The following CAPN8 variants were observed in gnomAD, a reference collection of about 807,000 sequenced individuals.
CAPN8 encodes calpain 8.
In CAPN8, 87 loss-of-function variants were observed where a neutral mutation model predicts 80.9. That is an observed-to-expected ratio of 1.07 (90% confidence interval 0.90 to 1.28). The LOEUF is 1.28. Among genes scored for constraint, CAPN8 ranks in the 50% most tolerant of loss-of-function variants. The pLI is 0.00. For missense variants in CAPN8, 757 were observed against 702.0 expected, an observed-to-expected ratio of 1.08 and a Z score of -0.89; for synonymous variants, 299 against 273.8, an observed-to-expected ratio of 1.09 and a Z score of -0.91.
intron 15 of CAPN8, among the ~76,000 whole-genome samples, chr1:223,550,348 G>C (rs1338706864): frequency 6.6e-6 from 1 of 152,166 alleles, no homozygotes; most frequent in African/African-American, 2.4e-5. Flanking sequence ...GCTGCAGTGA[G>C]TGAATGAGAG....
intron 4 of CAPN8, among the ~76,000 whole-genome samples, 194 bp from the exon 5 acceptor site, chr1:223,627,351 G>C (rs1657618785): frequency 6.6e-6 from 1 of 152,172 alleles, no homozygotes; most frequent in Non-Finnish European, 1.5e-5. Context: ...ACTAGGAACT[G>C]ACCTCAGCCA....
chr1:223,657,046 A>G (rs926007343), intron 1 of CAPN8, among the ~76,000 whole-genome samples: 1 of 152,204 alleles, frequency 6.6e-6, no homozygotes, highest in African/African-American at 2.4e-5. Context: ...AGAGCTTTGT[A>G]ACTTCATTAA....
chr1:223,558,382 C>A (rs1656952519), intron 12 of CAPN8, among the ~76,000 whole-genome samples: 1 of 152,168 alleles, frequency 6.6e-6, no homozygotes, highest in South Asian at 2.1e-4. Context: ...TCATCAGAGA[C>A]AAGAGCTTCC....
At chr1:223,609,980 C>T (rs980976359) in intron 11 of CAPN8, among the ~76,000 whole-genome samples, 1 of 152,224 alleles carries the variant, frequency 6.6e-6, no homozygotes, top group African/African-American at 2.4e-5. Flanking sequence ...CAACAGGCGA[C>T]GATGCTCTCC....
intron 2 of CAPN8, 152 bp from the exon 3 acceptor site, chr1:223,628,932 C>G: frequency 1.6e-6 from 1 of 613,350 alleles, no homozygotes; most frequent in Non-Finnish European, 2.8e-6. Context: ...GAAATGCACC[C>G]GCAGCCATCA....
At chr1:223,553,383 G>A (rs1656841599) in intron 14 of CAPN8, among the ~76,000 whole-genome samples, 3 of 152,182 alleles carry the variant, frequency 2.0e-5, no homozygotes, top group Non-Finnish European at 2.9e-5. Context: ...GCTGCAGGAC[G>A]GTGACAGGGA....
chr1:223,654,111 TA>T (rs1176234655), intron 2 of CAPN8, among the ~76,000 whole-genome samples: 1 of 152,124 alleles, frequency 6.6e-6, no homozygotes, highest in Non-Finnish European at 1.5e-5. Context: ...AATCTCTCAT[TA>T]GGGGGAGCCA....
At chr1:223,634,464 C>G (rs1045052146) in intron 2 of CAPN8, among the ~76,000 whole-genome samples, 8 of 152,186 alleles carry the variant, frequency 5.3e-5, no homozygotes, top group African/African-American at 1.9e-4. Context: ...TCCTTATACC[C>G]ACGTGCCATC....
intron 2 of CAPN8, among the ~76,000 whole-genome samples, chr1:223,630,950 T>C (rs1486938800): frequency 6.6e-6 from 1 of 152,172 alleles, no homozygotes; most frequent in Non-Finnish European, 1.5e-5. Flanking sequence ...TGAACACCTG[T>C]GATCATGTCA....
chr1:223,640,715 T>G (rs926683095), intron 2 of CAPN8, among the ~76,000 whole-genome samples: 2 of 152,076 alleles, frequency 1.3e-5, no homozygotes, highest in African/African-American at 2.4e-5. Context: ...ACCCTCTTTC[T>G]CCAAATAGTC....
chr1:223,649,318 A>G (rs946458282), intron 2 of CAPN8, among the ~76,000 whole-genome samples: 1 of 152,244 alleles, frequency 6.6e-6, no homozygotes, highest in African/African-American at 2.4e-5. Context: ...TGGAGCTTGC[A>G]TGGCAGGTAG....
intron 11 of CAPN8, among the ~76,000 whole-genome samples, chr1:223,609,568 T>C (rs1656982050): frequency 6.6e-6 from 1 of 152,206 alleles, no homozygotes; most frequent in African/African-American, 2.4e-5. Flanking sequence ...AGGCCCTGTT[T>C]GAGGCATTGA....
chr1:223,613,269 C>T (rs1657081041), intron 10 of CAPN8, among the ~76,000 whole-genome samples: 1 of 152,234 alleles, frequency 6.6e-6, no homozygotes, highest in Admixed American at 6.5e-5. Context: ...GGGTCATTGG[C>T]AGCAGAAGTA....
At chr1:223,542,459 A>G (rs915369575) in intron 20 of CAPN8, among the ~76,000 whole-genome samples, 105 of 152,250 alleles carry the variant, frequency 6.9e-4, no homozygotes, top group African/African-American at 2.5e-3. Flanking sequence ...ACTTTAGAGA[A>G]GAAAAGAAAG....
rs566982414 is a variant in CAPN8 at position 223,654,513 on chromosome 1, C to A, written c.238-114G>T. 3.0e-4 allele frequency: 266 copies of A among 882,310 alleles called. 1 individual carries two copies. The South Asian group carries it at 3.9e-3, about 13-fold the overall frequency. The allele number at this position is 882,310 out of a possible 1,614,324, so 54.7% of individuals were successfully genotyped here. ...AGAGCTGGAAGAAACCCAGGATTGT[C>A]TACTGCCCATCACATGGTTTTATTG... On this transcript the variant is annotated intron_variant, in intron 1 of 20. Coordinates refer to ENST00000366872, the MANE Select transcript of CAPN8 (RefSeq NM_001143962.2).
intron 1 of CAPN8, among the ~76,000 whole-genome samples, chr1:223,660,823 A>G (rs1163282416): frequency 1.3e-5 from 2 of 152,172 alleles, no homozygotes; most frequent in Non-Finnish European, 2.9e-5. Flanking sequence ...GAAGTACAAA[A>G]TCACCCTCAA....
At chr1:223,645,189 A>G (rs1658155373) in intron 2 of CAPN8, among the ~76,000 whole-genome samples, 1 of 152,202 alleles carries the variant, frequency 6.6e-6, no homozygotes, top group Admixed American at 6.5e-5. Flanking sequence ...CATCCAGCGC[A>G]GAAGAAAGAT....
chr1:223,640,717 C>T (rs988103563), intron 2 of CAPN8, among the ~76,000 whole-genome samples: 1 of 152,086 alleles, frequency 6.6e-6, no homozygotes, highest in African/African-American at 2.4e-5. Context: ...CCTCTTTCTC[C>T]AAATAGTCAT....
At chr1:223,661,331 A>G (rs1423836743) in intron 1 of CAPN8, among the ~76,000 whole-genome samples, 2 of 152,198 alleles carry the variant, frequency 1.3e-5, no homozygotes, top group Non-Finnish European at 2.9e-5. Flanking sequence ...AATGGCTACT[A>G]TCAAAAAACA....
Sources: allele counts gnomAD v4.1 joint callset (sites outside exome capture counted in the v4.1 genomes callset), GRCh38; gene constraint gnomAD v4.1.1; transcripts MANE v1.5; gene names NCBI Gene and HGNC (gene_info 2026-07-23, HGNC 2026-07-21).